The following MOB4 variants were observed in gnomAD, a reference collection of about 807,000 sequenced individuals.
The protein encoded by MOB4 is MOB family member 4, phocein.
A neutral mutation model predicts 32.2 loss-of-function variants in MOB4; 4 were observed. The observed-to-expected ratio is 0.12, with a 90% CI of 0.06 to 0.28. MOB4 has a LOEUF of 0.28. Ranked by LOEUF, MOB4 falls within the 10% of genes least tolerant of loss-of-function variation. The probability of loss-of-function intolerance (pLI) is 1.00; values close to 1 mark genes in which losing one functional copy is unlikely to be tolerated. For missense variants in MOB4, 158 were observed against 271.2 expected (o/e 0.58, Z 2.93); for synonymous variants, 88 against 88.1 (o/e 1.00, Z 0.01).
rs1256452901 is a variant in MOB4 at position 197,553,134 on chromosome 2, A to C, written c.*2488A>C. ...TGACTTAACAACTTTTACTATCAGA[A>C]TACAATTAGAAATCCTTGGTCAGGC... On this transcript the variant is annotated 3_prime_UTR_variant, in exon 8 of 8. Transcript: ENST00000323303. 1 of 152,204 alleles carries C rather than the reference A, an allele frequency of 6.6e-6. No individual in the cohort carries two copies. The highest frequency in any genetic ancestry group is 1.5e-5 in the Non-Finnish European group (1 of 68,044). The allele number at this position is 152,204 out of a possible 1,614,324, so 9.4% of individuals were successfully genotyped here.
chr2:197,521,228 G>A (rs990718530), intron 1 of MOB4, among the ~76,000 whole-genome samples: 19 of 152,118 alleles, frequency 1.2e-4, no homozygotes, highest in East Asian at 5.8e-4. Context: ...TTGGGCGTCC[G>A]GGGGAGACAT....
At chr2:197,549,224 C>T (rs1168843565) in intron 6 of MOB4, among the ~76,000 whole-genome samples, 5 of 150,762 alleles carry the variant, frequency 3.3e-5, no homozygotes, top group Non-Finnish European at 7.4e-5. Flanking sequence ...GCGAAACTGT[C>T]TCAAAAAAAA....
chr2:197,539,317 A>ATT (rs35362424), intron 3 of MOB4, among the ~76,000 whole-genome samples: 8,903 of 126,674 alleles, frequency 0.07, 520 homozygotes, highest in African/African-American at 0.097. Flanking sequence ...TTGTAATGTA[A>ATT]TTTTTTTTTT....
chr2:197,523,608 G>T lies in MOB4; in HGVS notation c.61-16G>T. 1 of 1,606,608 alleles carries T rather than the reference G, an allele frequency of 6.2e-7. No homozygotes were observed. The highest frequency in any genetic ancestry group is 8.5e-7 in the Non-Finnish European group (1 of 1,177,608). On this transcript the variant is annotated splice_polypyrimidine_tract_variant and intron_variant, in intron 1 of 7. Transcript: ENST00000323303. Reference sequence around the variant, plus strand: ...AGTATTTTGTATGTGCTTTAACCGTGAATTTATTTTTATAGGATTTCTATA... The same window carrying T: ...AGTATTTTGTATGTGCTTTAACCGTTAATTTATTTTTATAGGATTTCTATA...
upstream of MOB4, chr2:197,515,869 C>A (rs2086398956): frequency 3.6e-6 from 2 of 557,400 alleles, no homozygotes; most frequent in Non-Finnish European, 3.1e-6. Context: ...GTGCCTCAGT[C>A]CCTGCCAGTA....
At chr2:197,538,552 T>G (rs1174960520) in intron 3 of MOB4, among the ~76,000 whole-genome samples, 1 of 152,214 alleles carries the variant, frequency 6.6e-6, no homozygotes, top group East Asian at 1.9e-4. Context: ...TAGGAAAAAG[T>G]ACTCCTTTAT....
intron 1 of MOB4, among the ~76,000 whole-genome samples, chr2:197,521,900 A>C (rs2086526781): frequency 6.6e-6 from 1 of 152,304 alleles, no homozygotes; most frequent in South Asian, 2.1e-4. Context: ...CAATTATCAC[A>C]GGGTCCTGAG....
chr2:197,535,904 T>C (rs943250068), intron 3 of MOB4, among the ~76,000 whole-genome samples: 22 of 149,588 alleles, frequency 1.5e-4, no homozygotes, highest in Non-Finnish European at 2.5e-4. Context: ...CTTTTCTTTT[T>C]TTTTTTTTTT....
At chr2:197,516,772 T>TA (rs756506372) in intron 1 of MOB4, 22 of 471,014 alleles carry the variant, frequency 4.7e-5, no homozygotes, top group African/African-American at 4.0e-4. Flanking sequence ...TCCTTGCTAA[T>TA]ATGCGTGAAG....
chr2:197,535,881 C>T (rs570127063), intron 3 of MOB4, among the ~76,000 whole-genome samples: 1 of 151,366 alleles, frequency 6.6e-6, no homozygotes, highest in Non-Finnish European at 1.5e-5. Context: ...TGCCTCTGCA[C>T]CTCTCTTCTT....
At chr2:197,535,817 T>C (rs1306497682) in intron 3 of MOB4, among the ~76,000 whole-genome samples, 187 bp downstream of exon 3, 1 of 152,184 alleles carries the variant, frequency 6.6e-6, no homozygotes, top group African/African-American at 2.4e-5. Flanking sequence ...CAAATTATGC[T>C]GCAGAGTCAC....
chr2:197,539,640 T>C (rs2086864037), intron 3 of MOB4, among the ~76,000 whole-genome samples: 1 of 152,176 alleles, frequency 6.6e-6, no homozygotes. Flanking sequence ...TATGTTTCTA[T>C]GTACCAACAT....
rs1156650484 is a variant in MOB4 at position 197,551,426 on chromosome 2, G to A, written c.*780G>A. ...CTTTTCACCAGACTGAGTTAGTGGT[G>A]GCTTATACCTATTTATATTTGTATT... is the stretch of plus-strand genomic sequence containing the variant. On this transcript the variant is annotated 3_prime_UTR_variant, in exon 8 of 8. Transcript: ENST00000323303. 1 of 152,582 alleles carries A rather than the reference G, an allele frequency of 6.6e-6. No homozygotes were observed. Among genetic ancestry groups the A allele is most frequent in the Non-Finnish European group, 1.5e-5 (1 of 67,994 alleles). The allele number at this position is 152,582 out of a possible 1,614,324, so 9.5% of individuals were successfully genotyped here. A position where few individuals can be genotyped will look rare whatever the true frequency, so the allele number is the denominator to read the frequency against.
chr2:197,538,606 G>T (rs148233851), intron 3 of MOB4, among the ~76,000 whole-genome samples: 56 of 152,266 alleles, frequency 3.7e-4, no homozygotes, highest in African/African-American at 1.2e-3. Context: ...CTGGATTCCA[G>T]CTCTGGTTGG....
chr2:197,531,030 A>ATTTTAT (rs762943895), intron 2 of MOB4, among the ~76,000 whole-genome samples: 6 of 150,344 alleles, frequency 4.0e-5, no homozygotes, highest in East Asian at 1.9e-4. Context: ...CATTTTTGCT[A>ATTTTAT]TTTTATTTTT....
At chr2:197,542,348 A>G (rs1204625987) in intron 5 of MOB4, among the ~76,000 whole-genome samples, 1 of 152,206 alleles carries the variant, frequency 6.6e-6, no homozygotes, top group Non-Finnish European at 1.5e-5. Flanking sequence ...AGTGGTAGTT[A>G]TATTGAGTGG....
At chr2:197,532,685 CA>C (rs796974247) in intron 2 of MOB4, among the ~76,000 whole-genome samples, 11 of 146,880 alleles carry the variant, frequency 7.5e-5, no homozygotes, top group African/African-American at 7.5e-5. Flanking sequence ...AACTCTATCT[CA>C]AAAAAAAAAT....
chr2:197,528,077 G>A (rs2086638377), intron 2 of MOB4, among the ~76,000 whole-genome samples: 1 of 152,042 alleles, frequency 6.6e-6, no homozygotes, highest in Non-Finnish European at 1.5e-5. Flanking sequence ...GCATATGGTT[G>A]AGTCATATTT....
chr2:197,526,158 G>A (rs942597314), intron 2 of MOB4, among the ~76,000 whole-genome samples: 1 of 152,092 alleles, frequency 6.6e-6, no homozygotes, highest in Non-Finnish European at 1.5e-5. Flanking sequence ...TGAGTATGAT[G>A]TTCACTATGG....
Sources: gnomAD v4.1 joint callset for allele counts (sites outside exome capture counted in the v4.1 genomes callset) on GRCh38, gnomAD v4.1.1 for gene constraint, MANE v1.5 for transcripts, NCBI Gene and HGNC (gene_info 2026-07-23, HGNC 2026-07-21) for gene names.